Variants in KYAT1 observed in about 807,000 individuals in gnomAD.
The protein encoded by KYAT1 is kynurenine aminotransferase 1.
Under a neutral mutation model 52.4 loss-of-function variants are expected in KYAT1, and 47 were observed. The ratio of observed to expected loss-of-function variants is 0.90; its 90% CI spans 0.71 to 1.14. The LOEUF (loss-of-function observed/expected upper bound fraction) is 1.14, where lower values mean the gene tolerates loss of function less well. Ranked by LOEUF, KYAT1 falls within the 50% of genes most tolerant of loss-of-function variation. The pLI is 0.00. For synonymous variants in KYAT1, 212 were observed against 209.6 expected (o/e 1.01, Z -0.10); for missense variants, 480 against 557.9 (o/e 0.86, Z 1.41).
chr9:128,839,378 C>A (rs754846534), intron 3 of KYAT1, among the ~76,000 whole-genome samples: 1 of 152,086 alleles, frequency 6.6e-6, no homozygotes, highest in Non-Finnish European at 1.5e-5. Flanking sequence ...TGTAAGCACC[C>A]CTTTTTGAGA....
chr9:128,841,328 C>A (rs1472923083), intron 3 of KYAT1, among the ~76,000 whole-genome samples: 3 of 152,056 alleles, frequency 2.0e-5, no homozygotes, highest in Non-Finnish European at 2.9e-5. Context: ...CATGGTGAAA[C>A]CCCGTCTCTA....
chr9:128,880,934 T>C (rs983914077), intron 1 of KYAT1, among the ~76,000 whole-genome samples: 3 of 152,320 alleles, frequency 2.0e-5, no homozygotes, highest in Middle Eastern at 3.4e-3. Flanking sequence ...TTTCTCGCCC[T>C]GGCCCAGGTA....
At chr9:128,882,329 CGGCCCGGGG>C (rs1052197486), upstream of KYAT1, 16 of 172,640 alleles carry the variant, frequency 9.3e-5, no homozygotes, top group Non-Finnish European at 3.7e-5. Context: ...GCCAGCTGCC[CGGCCCGGGG>C]CGCCCGGGGC....
At chr9:128,846,629 A>G (rs969319892) in intron 1 of KYAT1, 97 of 1,053,872 alleles carry the variant, frequency 9.2e-5, no homozygotes, top group Non-Finnish European at 1.2e-4. Context: ...AAAAAAAGAA[A>G]GAAAGAAATT....
Position 128,856,400 on chromosome 9 carries a change from G to A in KYAT1, c.-6-10989C>T, listed in dbSNP as rs999621722. 2.0e-5 allele frequency among the ~76,000 whole-genome samples: 3 copies of A among 152,144 alleles called. No individual in the cohort carries two copies. In the South Asian group the frequency reaches 6.2e-4, roughly 32 times the overall value. On this transcript the variant is annotated intron_variant, in intron 1 of 12. Transcript: ENST00000302586. ...CAGCTCCAGAGAGACAGCAACCAGC[G>A]AAAACAGGCCATAATGACTATGGCG...
intron 1 of KYAT1, among the ~76,000 whole-genome samples, chr9:128,864,616 T>C (rs1413511431): frequency 3.3e-5 from 5 of 151,970 alleles, no homozygotes; most frequent in Admixed American, 2.6e-4. Flanking sequence ...ATTTATTTAC[T>C]TATTTTTTGG....
At chr9:128,837,018 G>T (rs951161625) in intron 6 of KYAT1, 96 bp from the exon 7 acceptor site, 16 of 1,482,716 alleles carry the variant, frequency 1.1e-5, no homozygotes, top group African/African-American at 1.4e-5. Flanking sequence ...CTGCGGCCAG[G>T]TGCGGTGGCT....
At chr9:128,872,170 C>G (rs1837322565) in intron 1 of KYAT1, among the ~76,000 whole-genome samples, 1 of 147,546 alleles carries the variant, frequency 6.8e-6, no homozygotes, top group Non-Finnish European at 1.5e-5. Context: ...ATTGGCTGGG[C>G]ATGGTGGCTC....
intron 1 of KYAT1, among the ~76,000 whole-genome samples, chr9:128,870,255 A>C (rs1357482825): frequency 6.6e-6 from 1 of 152,182 alleles, no homozygotes; most frequent in Non-Finnish European, 1.5e-5. Context: ...GGATGAATGG[A>C]TAAATTGTAA....
chr9:128,841,625 G>C (rs562424348), intron 3 of KYAT1, among the ~76,000 whole-genome samples: 37 of 151,560 alleles, frequency 2.4e-4, no homozygotes, highest in Admixed American at 3.9e-4. Flanking sequence ...GAACCTGGGA[G>C]GGGGAGGTTG....
At position 128,868,872 on chromosome 9, in the gene KYAT1, A is replaced by G. The variant is rs1015988177; in HGVS notation, c.-7+13025T>C. ...AGGCGCACACCACCATGCCCAGCTA[A>G]GTTTTGTATTTTTAGTAGAGACGGG... On this transcript the variant is annotated intron_variant, in intron 1 of 12. Transcript: ENST00000302586. 3.3e-5 allele frequency among the ~76,000 whole-genome samples: 5 copies of G among 151,668 alleles called. No homozygotes were observed. The South Asian group carries it at 1.0e-3, about 32-fold the overall frequency.
chr9:128,868,239 C>T (rs59077138), intron 1 of KYAT1, among the ~76,000 whole-genome samples: 1,882 of 151,198 alleles, frequency 0.012, 43 homozygotes, highest in African/African-American at 0.043. Flanking sequence ...TGCAATGGCA[C>T]GATCTTGATT....
At chr9:128,842,843 T>C in intron 2 of KYAT1, 42 bp from the exon 3 acceptor site, 1 of 1,591,080 alleles carries the variant, frequency 6.3e-7, no homozygotes, top group Non-Finnish European at 8.6e-7. Context: ...CAGCCCTCCA[T>C]GGTGACCTGG....
chr9:128,857,576 C>T (rs1391136359), intron 1 of KYAT1, among the ~76,000 whole-genome samples: 2 of 152,164 alleles, frequency 1.3e-5, no homozygotes, highest in Non-Finnish European at 2.9e-5. Flanking sequence ...GTGTCTCACG[C>T]CTGTAATCCC....
At chr9:128,846,946 A>G in intron 1 of KYAT1, 1 of 1,162,398 alleles carries the variant, frequency 8.6e-7, no homozygotes. Context: ...AGGTGCCACA[A>G]TAGTCTCCAT....
chr9:128,835,348 A>G lies in KYAT1; in HGVS notation c.1097T>C (p.Phe366Ser). Residue 366 changes from phenylalanine to serine, a missense_variant, in exon 11 of 13, where the codon TTC becomes TCC. Physicochemically the swap from Phe to Ser is radical, Grantham distance 155 (BLOSUM62 -2). Transcript: ENST00000302586. ...CTTGTTCTTGATCATCCACTTGACGAAGCGTCTGTCATAGGGCTCATCCAC... is the reference window on the plus strand; with the variant it reads ...CTTGTTCTTGATCATCCACTTGACGGAGCGTCTGTCATAGGGCTCATCCAC... ...GAVDEPYDRRFVKWMIKNKGL... is the reference protein window; with the variant it reads ...GAVDEPYDRRSVKWMIKNKGL... The G allele has an allele frequency of 6.2e-7, 1 of 1,613,974 alleles. No individual in the cohort carries two copies. Among genetic ancestry groups the G allele is most frequent in the Non-Finnish European group, 8.5e-7 (1 of 1,179,992 alleles).
chr9:128,858,395 T>TTAAAAAAAG (rs67073521), intron 1 of KYAT1, among the ~76,000 whole-genome samples: 1 of 65,102 alleles, frequency 1.5e-5, no homozygotes, highest in Non-Finnish European at 2.4e-5. Context: ...AGACCATGTA[T>TTAAAAAAAG]AAAAAAAAAA....
chr9:128,846,600 CAAAAAAAAAAA>C (rs57333664), intron 1 of KYAT1: 97 of 419,204 alleles, frequency 2.3e-4, no homozygotes, highest in Middle Eastern at 1.2e-3. Context: ...AAGACTCTAC[CAAAAAAAAAAA>C]AAAAAAAAAA....
chr9:128,873,802 C>T (rs750607167), intron 1 of KYAT1, among the ~76,000 whole-genome samples: 2 of 151,416 alleles, frequency 1.3e-5, no homozygotes, highest in African/African-American at 4.9e-5. Flanking sequence ...AAAAATTAGC[C>T]GGGCATGGTG....
Sources: allele counts gnomAD v4.1 joint callset (sites outside exome capture counted in the v4.1 genomes callset), GRCh38; gene constraint gnomAD v4.1.1; transcripts MANE v1.5; gene names NCBI Gene and HGNC (gene_info 2026-07-23, HGNC 2026-07-21).